CAPN8: variants seen among roughly 807,000 people sequenced by gnomAD.
The protein encoded by CAPN8 is calpain-8.
A neutral mutation model predicts 80.9 loss-of-function variants in CAPN8; 87 were observed. That is an observed-to-expected ratio of 1.07 (90% CI 0.90 to 1.28). The LOEUF (loss-of-function observed/expected upper bound fraction) is 1.28, where lower values mean the gene tolerates loss of function less well. Ranked by LOEUF, CAPN8 falls within the 50% of genes most tolerant of loss-of-function variation. The probability of loss-of-function intolerance (pLI) is 0.00; values close to 1 mark genes in which losing one functional copy is unlikely to be tolerated. For missense variants in CAPN8, 757 were observed against 702.0 expected (o/e 1.08, Z -0.89); for synonymous variants, 299 against 273.8 (o/e 1.09, Z -0.91).
At chr1:223,621,915 G>A (rs1382675724) in intron 7 of CAPN8, among the ~76,000 whole-genome samples, 1 of 151,950 alleles carries the variant, frequency 6.6e-6, no homozygotes, top group Admixed American at 6.6e-5. Context: ...GGAATGCAGT[G>A]GCCCAATCTC....
intron 2 of CAPN8, among the ~76,000 whole-genome samples, chr1:223,629,634 C>T (rs145990705): frequency 4.6e-5 from 7 of 152,304 alleles, no homozygotes; most frequent in South Asian, 2.1e-4. Flanking sequence ...CATCCTATGG[C>T]GAATCTATCA....
chr1:223,650,999 C>T (rs530126535), intron 2 of CAPN8, among the ~76,000 whole-genome samples: 25 of 152,240 alleles, frequency 1.6e-4, no homozygotes, highest in Non-Finnish European at 2.9e-4. Flanking sequence ...GATGTGCACC[C>T]TTGAGAGTCC....
intron 2 of CAPN8, among the ~76,000 whole-genome samples, chr1:223,647,535 C>T (rs1294655089): frequency 6.6e-6 from 1 of 152,142 alleles, no homozygotes; most frequent in Non-Finnish European, 1.5e-5. Context: ...CTCCTGCTTG[C>T]TCTTCCTCTT....
intron 15 of CAPN8, chr1:223,549,655 A>G (rs1656732185): frequency 1.7e-6 from 1 of 575,562 alleles, no homozygotes; most frequent in Non-Finnish European, 3.2e-6. Context: ...CAGCAAATTA[A>G]TATCTTTGAG....
At chr1:223,554,608 T>C (rs960845885) in intron 13 of CAPN8, among the ~76,000 whole-genome samples, 34 of 152,276 alleles carry the variant, frequency 2.2e-4, no homozygotes, top group African/African-American at 7.9e-4. Flanking sequence ...AACATTTTCT[T>C]AGCTTTCATC....
At chr1:223,653,497 G>A (rs922774198) in intron 2 of CAPN8, among the ~76,000 whole-genome samples, 9 of 151,996 alleles carry the variant, frequency 5.9e-5, no homozygotes, top group Admixed American at 5.2e-4. Flanking sequence ...ATGTGATGCT[G>A]AGGTTTCTGT....
chr1:223,662,081 G>A (rs1055868493), intron 1 of CAPN8, among the ~76,000 whole-genome samples: 3 of 152,162 alleles, frequency 2.0e-5, no homozygotes, highest in Admixed American at 2.0e-4. Flanking sequence ...GACAAATACT[G>A]TATAATTCCA....
chr1:223,654,413 G>A lies in CAPN8; in HGVS notation c.238-14C>T, dbSNP rs1227925660. 29 of 1,551,278 alleles carry A rather than the reference G, an allele frequency of 1.9e-5. No homozygotes were observed. Among genetic ancestry groups the A allele is most frequent in the Non-Finnish European group, 2.4e-5 (28 of 1,146,748 alleles). ...GGGACACAACTCCTGAAAGTAATTT[G>A]GAACAAAACACAAGTCACAAGGTGC... On this transcript the variant is annotated splice_polypyrimidine_tract_variant and intron_variant, in intron 1 of 20. Transcript: ENST00000366872.
chr1:223,645,555 G>T (rs1009991090), intron 2 of CAPN8, among the ~76,000 whole-genome samples: 2 of 152,190 alleles, frequency 1.3e-5, no homozygotes, highest in African/African-American at 2.4e-5. Context: ...AAGTCTGAAG[G>T]GGGTGGGGGG....
At chr1:223,623,948 C>T (rs946751105) in intron 6 of CAPN8, among the ~76,000 whole-genome samples, 1 of 148,950 alleles carries the variant, frequency 6.7e-6, no homozygotes, top group Non-Finnish European at 1.5e-5. Context: ...TGCAGTGAGC[C>T]GAGATCGTGC....
intron 1 of CAPN8, among the ~76,000 whole-genome samples, chr1:223,654,729 G>A (rs568269979): frequency 1.3e-5 from 2 of 152,214 alleles, no homozygotes; most frequent in South Asian, 4.2e-4. Context: ...AGCCTGGAGT[G>A]CAGTGGCATG....
At chr1:223,633,916 A>G (rs1657842931) in intron 2 of CAPN8, among the ~76,000 whole-genome samples, 1 of 152,228 alleles carries the variant, frequency 6.6e-6, no homozygotes, top group Admixed American at 6.5e-5. Context: ...AGGAAAGAAG[A>G]AAGGTCAGAC....
chr1:223,545,479 T>C, intron 16 of CAPN8, 180 bp from the exon 17 acceptor site: 1 of 988,500 alleles, frequency 1.0e-6, no homozygotes, highest in Non-Finnish European at 1.5e-6. Flanking sequence ...AAGTCAAACG[T>C]GCACCAAGGC....
chr1:223,543,267 T>C, intron 19 of CAPN8, 101 bp from the exon 20 acceptor site: 2 of 1,375,244 alleles, frequency 1.5e-6, no homozygotes, highest in South Asian at 2.7e-5. Flanking sequence ...CCTGCGGAAC[T>C]CTCCTTTCCC....
At position 223,627,008 on chromosome 1, in the gene CAPN8, A is replaced by T; in HGVS notation, c.710T>A (p.Leu237Gln). ...CCTCACATCAATGGAGCAGCCCAGC[A>T]GAGACCCCGCACAGAGGGCCTTCCG... ...IIRKALCAGS[L>Q]LGCSIDVSSA... The change falls in exon 5 of 21, where the codon CTG becomes CAG. Residue 237 changes from leucine (L) to glutamine (Q), a missense_variant. Leu to Gln is a moderately radical substitution (Grantham distance 113). Coordinates refer to ENST00000366872, the MANE Select transcript of CAPN8 (RefSeq NM_001143962.2). 1 of 1,551,820 alleles carries T rather than the reference A, an allele frequency of 6.4e-7. No individual in the cohort carries two copies.
chr1:223,626,593 G>A (rs987573875), intron 5 of CAPN8, among the ~76,000 whole-genome samples: 1 of 152,124 alleles, frequency 6.6e-6, no homozygotes, highest in Non-Finnish European at 1.5e-5. Context: ...TTTCTTCAGG[G>A]ATCTCAAGAT....
chr1:223,634,416 C>T (rs940620356), intron 2 of CAPN8, among the ~76,000 whole-genome samples: 4 of 152,172 alleles, frequency 2.6e-5, no homozygotes, highest in African/African-American at 9.7e-5. Flanking sequence ...TAAGGACTAG[C>T]GGGCTTCTCT....
chr1:223,619,261 G>A (rs1657301871), intron 9 of CAPN8, 32 bp downstream of exon 9: 13 of 1,549,876 alleles, frequency 8.4e-6, no homozygotes, highest in South Asian at 1.2e-5. Flanking sequence ...ATAAGCTGGA[G>A]GAGGTTGGGC....
At chr1:223,543,431 C>T (rs1656528444) in intron 19 of CAPN8, among the ~76,000 whole-genome samples, 1 of 152,164 alleles carries the variant, frequency 6.6e-6, no homozygotes, top group African/African-American at 2.4e-5. Context: ...GTATCTCCAT[C>T]CTCAGAAGCT....
Sources: gnomAD v4.1 joint callset for allele counts (sites outside exome capture counted in the v4.1 genomes callset) on GRCh38, gnomAD v4.1.1 for gene constraint, MANE v1.5 for transcripts, NCBI Gene and HGNC (gene_info 2026-07-23, HGNC 2026-07-21) for gene names.